Variants in RBFOX1 observed in about 807,000 individuals in gnomAD.
RBFOX1 encodes RNA binding protein fox-1 homolog 1.
In RBFOX1, 8 loss-of-function variants were observed where a neutral mutation model predicts 57.7. The ratio of observed to expected loss-of-function variants is 0.14; its 90% CI spans 0.08 to 0.25. RBFOX1 has a LOEUF of 0.25. Among genes scored for constraint, RBFOX1 ranks in the 10% least tolerant of loss-of-function variants. The pLI, the probability that RBFOX1 is intolerant of heterozygous loss-of-function variation, is 1.00. For synonymous variants in RBFOX1, 326 were observed against 222.4 expected, an observed-to-expected ratio of 1.47 and a Z score of -4.15; for missense variants, 611 against 548.5, an observed-to-expected ratio of 1.11 and a Z score of -1.14.
At chr16:7,152,889 A>G (rs904025045) in intron 4 of RBFOX1, among the ~76,000 whole-genome samples, 18 of 152,228 alleles carry the variant, frequency 1.2e-4, no homozygotes, top group Non-Finnish European at 4.4e-5. Flanking sequence ...TCAAGTGGAC[A>G]TAAAAATGCA....
intron 2 of RBFOX1, among the ~76,000 whole-genome samples, chr16:6,512,316 A>G (rs1326472027): frequency 1.4e-5 from 2 of 147,920 alleles, no homozygotes; most frequent in South Asian, 2.1e-4. Context: ...AGAAAAAGAG[A>G]TTTATGCATG....
At chr16:7,078,062 C>T (rs557148355) in intron 4 of RBFOX1, among the ~76,000 whole-genome samples, 1 of 152,284 alleles carries the variant, frequency 6.6e-6, no homozygotes, top group East Asian at 1.9e-4. Context: ...GATTTTCCTG[C>T]CTTTGCCTCT....
At chr16:5,516,891 C>G (rs970933001) in intron 2 of RBFOX1, among the ~76,000 whole-genome samples, 4 of 152,168 alleles carry the variant, frequency 2.6e-5, no homozygotes, top group Non-Finnish European at 5.9e-5. Flanking sequence ...CCGTGCAGAA[C>G]TGTGAGTCAA....
At chr16:5,760,459 C>T (rs570338084) in intron 3 of RBFOX1, among the ~76,000 whole-genome samples, 9 of 152,220 alleles carry the variant, frequency 5.9e-5, no homozygotes, top group South Asian at 2.1e-4. Flanking sequence ...TGTCCATATA[C>T]GTGAGTAGCA....
At chr16:5,486,165 C>T (rs1310848508) in intron 2 of RBFOX1, among the ~76,000 whole-genome samples, 28 of 152,194 alleles carry the variant, frequency 1.8e-4, no homozygotes. Flanking sequence ...CTCTTCAATT[C>T]AGGTTGCCTC....
intron 4 of RBFOX1, among the ~76,000 whole-genome samples, chr16:7,324,781 T>C (rs1001244743): frequency 9.2e-5 from 14 of 152,204 alleles, no homozygotes; most frequent in Admixed American, 9.2e-4. Flanking sequence ...ATAACCATTT[T>C]TAGAGATGTG....
chr16:5,929,489 A>G (rs2059003708), intron 4 of RBFOX1, among the ~76,000 whole-genome samples: 2 of 152,204 alleles, frequency 1.3e-5, no homozygotes, highest in Non-Finnish European at 2.9e-5. Flanking sequence ...ACAGCATGAC[A>G]TTAGAGTGTC....
At chr16:5,495,251 C>T (rs1170150915) in intron 2 of RBFOX1, among the ~76,000 whole-genome samples, 3 of 152,208 alleles carry the variant, frequency 2.0e-5, no homozygotes. Flanking sequence ...AAATACCCTG[C>T]TTCCATCAGC....
intron 3 of RBFOX1, among the ~76,000 whole-genome samples, chr16:6,724,587 C>G (rs191869505): frequency 2.6e-4 from 39 of 152,146 alleles, no homozygotes; most frequent in African/African-American, 8.9e-4. Flanking sequence ...TTCCCGGCCT[C>G]CAGAACTATA....
intron 3 of RBFOX1, among the ~76,000 whole-genome samples, chr16:5,865,566 G>C (rs1333417530): frequency 3.3e-5 from 5 of 152,202 alleles, no homozygotes; most frequent in African/African-American, 1.2e-4. Context: ...CTCCTCATCT[G>C]ATGCCTTGGG....
chr16:7,630,487 C>G, intron 10 of RBFOX1, 116 bp from the exon 11 acceptor site: 2 of 1,537,942 alleles, frequency 1.3e-6, no homozygotes, highest in Non-Finnish European at 1.7e-6. Flanking sequence ...TTGTCCTGCG[C>G]TCTGGGATGT....
intron 2 of RBFOX1, among the ~76,000 whole-genome samples, chr16:5,556,211 CT>C (rs2045670131): frequency 1.3e-5 from 2 of 152,150 alleles, no homozygotes; most frequent in Admixed American, 1.3e-4. Context: ...GCAGAGGAGC[CT>C]TGGTCATATT....
intron 3 of RBFOX1, among the ~76,000 whole-genome samples, chr16:6,764,978 T>C (rs1406718721): frequency 6.6e-6 from 1 of 151,762 alleles, no homozygotes; most frequent in African/African-American, 2.4e-5. Context: ...ATTAATGGGA[T>C]ATTGTAATGG....
chr16:6,774,773 A>T (rs542051179), intron 3 of RBFOX1, among the ~76,000 whole-genome samples: 1 of 152,168 alleles, frequency 6.6e-6, no homozygotes, highest in South Asian at 2.1e-4. Context: ...ACTTTCTGCA[A>T]TGGTGGGAGT....
intron 3 of RBFOX1, among the ~76,000 whole-genome samples, chr16:5,691,844 G>A (rs894178335): frequency 5.3e-5 from 8 of 152,128 alleles, no homozygotes; most frequent in Admixed American, 4.6e-4. Flanking sequence ...CCACAAATAG[G>A]TGCCAGAGTT....
intron 4 of RBFOX1, among the ~76,000 whole-genome samples, chr16:5,986,415 A>C (rs1385083171): frequency 6.6e-6 from 1 of 152,194 alleles, no homozygotes; most frequent in Admixed American, 6.5e-5. Context: ...TTCTGATCAG[A>C]AACTATGTAC....
intron 4 of RBFOX1, among the ~76,000 whole-genome samples, chr16:7,442,320 C>T (rs918325900): frequency 3.9e-5 from 6 of 152,170 alleles, no homozygotes; most frequent in African/African-American, 1.4e-4. Context: ...AGCAGTCCGT[C>T]TCCCAGCACA....
At position 6,529,822 on chromosome 16, in the gene RBFOX1, T is replaced by G. The variant is rs9928493; in HGVS notation, c.-63-124781T>G. Among the ~76,000 whole-genome samples, 202 of 152,216 alleles carry G rather than the reference T, an allele frequency of 1.3e-3. 1 individual carries two copies. The highest frequency in any genetic ancestry group is 4.8e-3 in the African/African-American group (199 of 41,542). On this transcript the variant is annotated intron_variant, in intron 2 of 15. Transcript: ENST00000550418. ...ATGTCTTGTTGATATTTCTTTAACA[T>G]TTTTATTAAATATTATCCCTAGTTT...
chr16:7,386,649 C>A (rs1359751067), intron 4 of RBFOX1, among the ~76,000 whole-genome samples: 1 of 151,992 alleles, frequency 6.6e-6, no homozygotes, highest in Non-Finnish European at 1.5e-5. Context: ...TGGGTTGGTT[C>A]CAAGTCTTTT....
Sources: gnomAD v4.1 joint callset for allele counts (sites outside exome capture counted in the v4.1 genomes callset) on GRCh38, gnomAD v4.1.1 for gene constraint, MANE v1.5 for transcripts, NCBI Gene and HGNC (gene_info 2026-07-23, HGNC 2026-07-21) for gene names.